Variants in RBL1 observed in about 807,000 individuals in gnomAD.
RBL1 encodes the protein RB transcriptional corepressor like 1.
Under a neutral mutation model 123.0 loss-of-function variants are expected in RBL1, and 82 were observed. The ratio of observed to expected loss-of-function variants is 0.67; its 90% CI spans 0.56 to 0.80. The LOEUF (loss-of-function observed/expected upper bound fraction) is 0.80, where lower values mean the gene tolerates loss of function less well. Among genes scored for constraint, RBL1 ranks in the 30% least tolerant of loss-of-function variants. The probability of loss-of-function intolerance (pLI) is 0.00; values close to 1 mark genes in which losing one functional copy is unlikely to be tolerated. For missense variants in RBL1, 1,171 were observed against 1,299.6 expected (o/e 0.90, Z 1.52); for synonymous variants, 405 against 441.3 (o/e 0.92, Z 1.03).
chr20:37,086,729 T>C (rs1253827733), intron 2 of RBL1, among the ~76,000 whole-genome samples: 1 of 152,188 alleles, frequency 6.6e-6, no homozygotes, highest in Non-Finnish European at 1.5e-5. Context: ...GATAGCTAAA[T>C]TTGTTTTGTT....
At chr20:37,007,065 G>C (rs1353019369) in intron 20 of RBL1, among the ~76,000 whole-genome samples, 1 of 151,960 alleles carries the variant, frequency 6.6e-6, no homozygotes, top group East Asian at 1.9e-4. Context: ...TGGCCAACAT[G>C]GTGAAACCCC....
At chr20:37,035,616 A>G (rs955464075) in intron 14 of RBL1, 108 bp from the exon 15 acceptor site, 3 of 975,350 alleles carry the variant, frequency 3.1e-6, no homozygotes, top group Non-Finnish European at 4.4e-6. Context: ...CACTAGCTAG[A>G]TATGAATAAC....
intron 2 of RBL1, among the ~76,000 whole-genome samples, chr20:37,081,100 T>G (rs955882127): frequency 3.9e-5 from 6 of 152,188 alleles, no homozygotes; most frequent in Non-Finnish European, 8.8e-5. Context: ...CAATAATGAT[T>G]GCTCAAGGAA....
chr20:37,029,246 G>A (rs184652989), intron 16 of RBL1, among the ~76,000 whole-genome samples: 73 of 152,134 alleles, frequency 4.8e-4, no homozygotes, highest in African/African-American at 1.7e-3. Context: ...GTATACACAG[G>A]AGATTTCTTC....
At chr20:37,033,318 A>C (rs1460631069) in intron 15 of RBL1, among the ~76,000 whole-genome samples, 1 of 151,576 alleles carries the variant, frequency 6.6e-6, no homozygotes, top group African/African-American at 2.4e-5. Flanking sequence ...AGTAGCTGGA[A>C]CTACAGGCAC....
At chr20:37,059,152 A>G (rs1192774564) in intron 9 of RBL1, among the ~76,000 whole-genome samples, 10 of 152,212 alleles carry the variant, frequency 6.6e-5, no homozygotes, top group African/African-American at 2.4e-4. Context: ...TTTGAACAGT[A>G]GTTCAATCCA....
chr20:37,005,461 G>T (rs1387323630), intron 20 of RBL1, among the ~76,000 whole-genome samples: 1 of 151,686 alleles, frequency 6.6e-6, no homozygotes, highest in Non-Finnish European at 1.5e-5. Context: ...AACACTTGCT[G>T]TAACAAGCTC....
At chr20:37,094,778 G>GTACA (rs1462850389) in intron 1 of RBL1, among the ~76,000 whole-genome samples, 1 of 152,150 alleles carries the variant, frequency 6.6e-6, no homozygotes, top group Non-Finnish European at 1.5e-5. Flanking sequence ...CTAGATTACA[G>GTACA]GCAGGCGCCA....
At chr20:37,067,442 A>G (rs2146303597) in intron 3 of RBL1, 145 bp from the exon 4 acceptor site, 3 of 723,754 alleles carry the variant, frequency 4.1e-6, no homozygotes, top group Non-Finnish European at 6.6e-6. Context: ...TATGAAATGG[A>G]CTTAAGTAAG....
chr20:37,034,893 T>C (rs1052859877), intron 15 of RBL1, among the ~76,000 whole-genome samples: 1 of 152,148 alleles, frequency 6.6e-6, no homozygotes, highest in Non-Finnish European at 1.5e-5. Context: ...ATCAATAAAC[T>C]ATTCACCAAG....
chr20:37,052,339 T>G (rs1280519811), intron 11 of RBL1, among the ~76,000 whole-genome samples: 2 of 151,742 alleles, frequency 1.3e-5, no homozygotes, highest in Admixed American at 1.3e-4. Context: ...CCTTATTTAT[T>G]TATTTATTTT....
At chr20:37,010,046 GA>G (rs1346453640) in intron 19 of RBL1, among the ~76,000 whole-genome samples, 1 of 150,710 alleles carries the variant, frequency 6.6e-6, no homozygotes, top group Non-Finnish European at 1.5e-5. Context: ...AAAAACTGAA[GA>G]AAAAAAAGAC....
intron 13 of RBL1, among the ~76,000 whole-genome samples, chr20:37,043,162 G>GCGCA (rs1555856574): frequency 1.4e-5 from 2 of 147,806 alleles, no homozygotes; most frequent in African/African-American, 2.5e-5. Context: ...ATGCGCGCGT[G>GCGCA]CACACACACA....
At chr20:37,023,264 G>A (rs3848709) in intron 16 of RBL1, among the ~76,000 whole-genome samples, 44,245 of 151,926 alleles carry the variant, frequency 0.29, 7,785 homozygotes, top group African/African-American at 0.49. Flanking sequence ...TGGGCTTACA[G>A]GTGCATGCCA....
intron 9 of RBL1, 62 bp downstream of exon 9, chr20:37,061,041 A>T: frequency 7.0e-7 from 1 of 1,433,500 alleles, no homozygotes; most frequent in Non-Finnish European, 9.3e-7. Flanking sequence ...TACTAAAAAT[A>T]GAATGGAACA....
intron 12 of RBL1, among the ~76,000 whole-genome samples, chr20:37,044,635 G>A (rs1057235262): frequency 4.7e-5 from 7 of 150,500 alleles, no homozygotes; most frequent in African/African-American, 1.0e-4. Context: ...CACTGCGCCC[G>A]GCCACTGTGG....
intron 21 of RBL1, 97 bp downstream of exon 21, chr20:37,003,602 ATAG>A: frequency 7.1e-7 from 1 of 1,415,812 alleles, no homozygotes; most frequent in Non-Finnish European, 9.3e-7. Context: ...TTTTATTAGT[ATAG>A]TAGTAACTTG....
At chr20:37,085,542 T>C (rs1315142970) in intron 2 of RBL1, among the ~76,000 whole-genome samples, 1 of 152,182 alleles carries the variant, frequency 6.6e-6, no homozygotes, top group Non-Finnish European at 1.5e-5. Flanking sequence ...ACCTTTACCG[T>C]TGTAACCACT....
At chr20:37,036,775 G>A (rs1037004378) in intron 14 of RBL1, among the ~76,000 whole-genome samples, 10 of 151,934 alleles carry the variant, frequency 6.6e-5, no homozygotes, top group Middle Eastern at 3.4e-3. Context: ...ACAGGCAACC[G>A]CCACCATGCC....
Sources: gnomAD v4.1 joint callset for allele counts (sites outside exome capture counted in the v4.1 genomes callset) on GRCh38, gnomAD v4.1.1 for gene constraint, MANE v1.5 for transcripts, NCBI Gene and HGNC (gene_info 2026-07-23, HGNC 2026-07-21) for gene names.